CASK: variants seen among roughly 807,000 people sequenced by gnomAD.
CASK encodes the protein peripheral plasma membrane protein CASK.
Under a neutral mutation model 82.9 loss-of-function variants are expected in CASK, and 4 were observed. The observed-to-expected ratio is 0.05, with a 90% CI of 0.02 to 0.11. The LOEUF is 0.11. Ranked by LOEUF, CASK falls within the 10% of genes least tolerant of loss-of-function variation. CASK has a pLI of 1.00. For missense variants in CASK, 358 were observed against 720.9 expected (o/e 0.50, Z 5.76); for synonymous variants, 259 against 253.5 (o/e 1.02, Z -0.20).
At chrX:41,597,981 A>T (rs2065843481) in intron 12 of CASK, among the ~76,000 whole-genome samples, 1 of 110,497 alleles carries the variant, frequency 9.1e-6, no homozygotes, top group Non-Finnish European at 1.9e-5. Context: ...TCTACAAAAA[A>T]TACAAAAATT....
In CASK at chrX:41,673,829, GTTTTTTTTTT is replaced by G. The variant is rs887137250; in HGVS notation, c.430-2309_430-2300del. On this transcript the variant is annotated intron_variant, in intron 5 of 26. Coordinates refer to ENST00000378163, the MANE Select transcript of CASK (RefSeq NM_001367721.1). ...TGAAACTGTGGTGAGAACTCTGGGT[GTTTTTTTTTT>G]TTTTTTTTTTTTTGCCTCCCATCAT... Among the ~76,000 whole-genome samples the G allele has an allele frequency of 1.4e-4, 7 of 51,046 alleles. No individual in the cohort carries two copies. The South Asian group carries it at 3.7e-3, about 27-fold the overall frequency. 44.3% of individuals were successfully genotyped at this position (51,046 alleles called of 115,157 possible).
At chrX:41,823,386 T>C (rs112283891) in intron 2 of CASK, among the ~76,000 whole-genome samples, 77 of 109,662 alleles carry the variant, frequency 7.0e-4, no homozygotes, top group Non-Finnish European at 1.2e-3. Context: ...GATACTGGAA[T>C]CCTTCCCATT....
chrX:41,711,819 A>G (rs1404178535), intron 5 of CASK, among the ~76,000 whole-genome samples: 2 of 111,871 alleles, frequency 1.8e-5, no homozygotes, highest in Non-Finnish European at 3.8e-5. Flanking sequence ...ACACTGAGAG[A>G]GACAAACCAC....
chrX:41,665,337 A>G lies in CASK; in HGVS notation c.648T>C (p.Cys216=). ...TTTCCTTGGTTCCGTAAAAAGGCAA[A>G]CAACCACTGAGCAGGATAAAAAGGA... The part of the protein sequence containing the change: ...GVILFILLSG[C]LPFYGTKERL... Residue 216 remains cysteine (C), a synonymous_variant, in exon 7 of 27, where the codon TGT becomes TGC. Transcript: ENST00000378163. 1 of 1,210,008 alleles carries G rather than the reference A, an allele frequency of 8.3e-7. No homozygotes were observed. The highest frequency in any genetic ancestry group is 1.1e-6 in the Non-Finnish European group (1 of 893,860).
intron 2 of CASK, among the ~76,000 whole-genome samples, chrX:41,842,874 C>T (rs943367427): frequency 1.8e-5 from 2 of 111,729 alleles, no homozygotes; most frequent in Non-Finnish European, 3.8e-5. Flanking sequence ...ATTTATTAGC[C>T]TTGCACTTCC....
chrX:41,832,186 A>G (rs1472394365), intron 2 of CASK, among the ~76,000 whole-genome samples: 2 of 111,275 alleles, frequency 1.8e-5, no homozygotes, highest in African/African-American at 6.5e-5. Flanking sequence ...GTATAATAAC[A>G]AAGAAAACAA....
chrX:41,644,748 C>G (rs2066725867), intron 8 of CASK, among the ~76,000 whole-genome samples: 1 of 111,724 alleles, frequency 9.0e-6, no homozygotes, highest in Non-Finnish European at 1.9e-5. Flanking sequence ...GAATGCGCAC[C>G]TAGGAGTAAG....
At chrX:41,899,712 A>G (rs2072333825) in intron 1 of CASK, among the ~76,000 whole-genome samples, 1 of 112,126 alleles carries the variant, frequency 8.9e-6, no homozygotes, top group African/African-American at 3.2e-5. Flanking sequence ...CAGCTTGTAT[A>G]TATTGCATAT....
intron 3 of CASK, among the ~76,000 whole-genome samples, chrX:41,761,736 C>T (rs1447571873): frequency 9.0e-6 from 1 of 111,235 alleles, no homozygotes; most frequent in African/African-American, 3.3e-5. Context: ...CAGACATTAC[C>T]AAGAAAAAAA....
chrX:41,858,420 C>T (rs549672637), intron 1 of CASK, among the ~76,000 whole-genome samples: 1 of 112,454 alleles, frequency 8.9e-6, no homozygotes, highest in East Asian at 2.8e-4. Context: ...CACCCTACAG[C>T]AGTGCCTGCT....
At position 41,553,704 on chromosome X, in the gene CASK, C is replaced by T. The variant is rs41307351; in HGVS notation, c.2039+15G>A. On this transcript the variant is annotated intron_variant, in intron 21 of 26. Coordinates refer to ENST00000378163, the MANE Select transcript of CASK (RefSeq NM_001367721.1). ...TTTTATAACCAAGCAAAGCAAAACA[C>T]GCATAAAAACATACCATTCCTGAAG... is the stretch of plus-strand genomic sequence containing the variant. 1.1e-3 allele frequency: 1,275 copies of T among 1,153,067 alleles called. 11 individuals are homozygous for T. The African/African-American group carries it at 0.02, about 18-fold the overall frequency.
Position 41,792,772 on chromosome X carries a change from T to C in CASK, c.173-5489A>G, listed in dbSNP as rs187159758. Among the ~76,000 whole-genome samples the C allele has an allele frequency of 1.2e-3, 138 of 111,969 alleles. 2 individuals carry two copies. Among genetic ancestry groups the C allele is most frequent in the African/African-American group, 4.3e-3 (134 of 30,811 alleles). The stretch of plus-strand genomic sequence containing the variant: ...TTTCAACATATAATCATACTAAAAT[T>C]AATAAAATAAGTTACTTTTTTTGTA... On this transcript the variant is annotated intron_variant, in intron 2 of 26. Transcript: ENST00000378163.
At chrX:41,855,103 T>G (rs2071344797) in intron 1 of CASK, among the ~76,000 whole-genome samples, 1 of 112,022 alleles carries the variant, frequency 8.9e-6, no homozygotes, top group Admixed American at 9.5e-5. Context: ...GTCAATTCTT[T>G]ACTTTTTCCT....
rs1171599937 is a variant in CASK at position 41,829,631 on chromosome X, G to T, written c.172+23484C>A. Among the ~76,000 whole-genome samples the T allele has an allele frequency of 5.2e-4, 30 of 57,302 alleles. 5 individuals are homozygous for T. The highest frequency in any genetic ancestry group is 1.5e-3 in the South Asian group (1 of 683). The allele number at this position is 57,302 out of a possible 115,157, so 49.8% of individuals were successfully genotyped here. On this transcript the variant is annotated intron_variant, in intron 2 of 26. Transcript: ENST00000378163. Reference sequence around the variant, plus strand: ...GTTTTTTTTTTTTTTGGGGGGGTGGGGGTGAACATATGTTAAGACATTGCT... The same window carrying T: ...GTTTTTTTTTTTTTTGGGGGGGTGGTGGTGAACATATGTTAAGACATTGCT...
chrX:41,690,090 T>C (rs1045969091), intron 5 of CASK, among the ~76,000 whole-genome samples: 3 of 111,631 alleles, frequency 2.7e-5, no homozygotes, highest in African/African-American at 9.8e-5. Context: ...TATCTACTAT[T>C]ACAAAACTAT....
At chrX:41,886,682 G>A (rs886964749) in intron 1 of CASK, among the ~76,000 whole-genome samples, 2 of 111,817 alleles carry the variant, frequency 1.8e-5, no homozygotes, top group African/African-American at 6.5e-5. Flanking sequence ...GAAATTTCAA[G>A]TTAAAATCAA....
intron 5 of CASK, chrX:41,730,269 G>A (rs1004146963): frequency 8.4e-6 from 1 of 119,670 alleles, no homozygotes; most frequent in Admixed American, 9.6e-5. Flanking sequence ...TTGTTCCTGA[G>A]TTAGAGCTGT....
At chrX:41,860,853 G>A (rs2071463212) in intron 1 of CASK, among the ~76,000 whole-genome samples, 1 of 112,629 alleles carries the variant, frequency 8.9e-6, no homozygotes. Flanking sequence ...TTGCCTAAAT[G>A]TTAACAATTA....
chrX:41,664,601 G>C, intron 7 of CASK, among the ~76,000 whole-genome samples: 1 of 112,019 alleles, frequency 8.9e-6, no homozygotes, highest in Non-Finnish European at 1.9e-5. Context: ...TGTGGGACAG[G>C]GCAAAGGAGT....
Sources: gnomAD v4.1 joint callset for allele counts (sites outside exome capture counted in the v4.1 genomes callset) on GRCh38, gnomAD v4.1.1 for gene constraint, MANE v1.5 for transcripts, NCBI Gene and HGNC (gene_info 2026-07-23, HGNC 2026-07-21) for gene names.